DAGLB: variants seen among roughly 807,000 people sequenced by gnomAD.
DAGLB encodes diacylglycerol lipase beta.
DAGLB carries 66 observed loss-of-function variants against 72.1 expected under a neutral mutation model. The observed-to-expected ratio is 0.92, with a 90% CI of 0.75 to 1.12. The LOEUF is 1.12. DAGLB is among the 50% of genes most tolerant of loss of function. DAGLB has a pLI of 0.00. For synonymous variants in DAGLB, 414 were observed against 359.5 expected, an observed-to-expected ratio of 1.15 and a Z score of -1.71; for missense variants, 1,065 against 884.9, an observed-to-expected ratio of 1.20 and a Z score of -2.58.
Position 6,436,396 on chromosome 7 carries a change from C to A in DAGLB, c.385G>T (p.Val129Phe), listed in dbSNP as rs745703962. 1 of 1,613,390 alleles carries A rather than the reference C, an allele frequency of 6.2e-7. No homozygotes were observed. The highest frequency in any genetic ancestry group is 1.1e-5 in the South Asian group (1 of 90,944). ...ACGGTTGCGATGATGCCGTTTACAA[C>A]TGTCCTGTCGCACTGAACACCATCT... ...VADGVQCDRTVVNGIIATVVV... is the reference protein window; with the variant it reads ...VADGVQCDRTFVNGIIATVVV... Residue 129 changes from valine (V) to phenylalanine (F), a missense_variant, in exon 3 of 15, where the codon GTT becomes TTT. Val to Phe is a conservative substitution (Grantham distance 50). Coordinates refer to ENST00000297056, the MANE Select transcript of DAGLB (RefSeq NM_139179.4).
Position 6,430,524 on chromosome 7 carries a change from G to C in DAGLB, c.885C>G (p.Ile295Met). 6.2e-7 allele frequency: 1 copy of C among 1,601,002 alleles called. No individual in the cohort carries two copies. The highest frequency in any genetic ancestry group is 8.5e-7 in the Non-Finnish European group (1 of 1,171,346). Residue 295 changes from isoleucine to methionine, a missense_variant, in exon 6 of 15, where the codon ATC becomes ATG. By Grantham distance (10) the Ile-to-Met change is conservative (BLOSUM62 1). Coordinates refer to ENST00000297056, the MANE Select transcript of DAGLB (RefSeq NM_139179.4). ...ACAGCCCCGTGAGGGGGTTTCTGTAGATGTAGAGGGGCCACCCATAGGCCG... is the reference window on the plus strand; with the variant it reads ...ACAGCCCCGTGAGGGGGTTTCTGTACATGTAGAGGGGCCACCCATAGGCCG... ...AAAAYGWPLY[I>M]YRNPLTGLCR...
chr7:6,447,655 T>C, intron 1 of DAGLB, 93 bp downstream of exon 1: 1 of 1,489,000 alleles, frequency 6.7e-7, no homozygotes, highest in Non-Finnish European at 9.0e-7. Flanking sequence ...GCGACAGTGC[T>C]TGGGAAGCCA....
Position 6,412,839 on chromosome 7 carries a change from C to T in DAGLB, c.1541G>A (p.Arg514Gln), listed in dbSNP as rs149326625. 325 of 1,599,946 alleles carry T rather than the reference C, an allele frequency of 2.0e-4. 1 individual carries two copies. Among genetic ancestry groups the T allele is most frequent in the Non-Finnish European group, 2.5e-4 (293 of 1,171,772 alleles). The stretch of plus-strand genomic sequence containing the variant: ...GGGTTTATTGCAGTGCGCGACCACT[C>T]GCAAGATTCTTCTCTTCAGATCTTC... ...NLEDLKRRIL[R>Q]VVAHCNKPKY... The change falls in exon 13 of 15, where the codon CGA (arginine) becomes CAA (glutamine). Residue 514 changes from arginine (R) to glutamine (Q), a missense_variant. Transcript: ENST00000297056.
In DAGLB at chr7:6,435,008, G is replaced by A. The variant is rs751784939; in HGVS notation, c.432C>T (p.Ile144=). 4 of 1,613,420 alleles carry A rather than the reference G, an allele frequency of 2.5e-6. No homozygotes were observed. Among genetic ancestry groups the A allele is most frequent in the East Asian group, 2.2e-5 (1 of 44,876 alleles). ...IATVVVSWII[I]AATVVSIIIV... ...TGATAATGGAAACCACTGTGGCAGC[G>A]ATGATGATCCAACTGCAAGACAGAG... The change falls in exon 4 of 15, where the codon ATC becomes ATT. Residue 144 remains isoleucine (I), a synonymous_variant. Coordinates refer to ENST00000297056, the MANE Select transcript of DAGLB (RefSeq NM_139179.4).
intron 13 of DAGLB, among the ~76,000 whole-genome samples, chr7:6,411,634 C>T (rs1286066729): frequency 6.6e-6 from 1 of 152,068 alleles, no homozygotes; most frequent in Non-Finnish European, 1.5e-5. Context: ...AAAGAAAAAA[C>T]TGGGGGAGGT....
chr7:6,443,410 C>T (rs1583304044), intron 2 of DAGLB, among the ~76,000 whole-genome samples: 2 of 152,082 alleles, frequency 1.3e-5, no homozygotes, highest in East Asian at 1.9e-4. Flanking sequence ...GCTGAGATTA[C>T]GCCATTGCAG....
chr7:6,412,988 G>A lies in DAGLB; in HGVS notation c.1474C>T (p.Leu492=). The change falls in exon 12 of 15, where the codon CTG becomes TTG. Residue 492 remains leucine, a synonymous_variant. Coordinates refer to ENST00000297056, the MANE Select transcript of DAGLB (RefSeq NM_139179.4). The part of the protein sequence containing the change: ...YSQSFIVSLV[L]GKDVIPRLSV... ...TACCTGGGAATCACATCCTTCCCCA[G>A]GACGAGTGACACGATGAAGCTCTGA... 1.2e-6 allele frequency: 2 copies of A among 1,613,972 alleles called. No individual in the cohort carries two copies. The highest frequency in any genetic ancestry group is 1.7e-6 in the Non-Finnish European group (2 of 1,179,940).
chr7:6,446,186 G>A, intron 1 of DAGLB, 82 bp from the exon 2 acceptor site: 1 of 1,447,522 alleles, frequency 6.9e-7, no homozygotes, highest in Admixed American at 2.6e-5. Flanking sequence ...AAATAAAAGG[G>A]GACAGGGCGC....
chr7:6,425,227 G>A (rs1192502869), intron 7 of DAGLB, among the ~76,000 whole-genome samples: 2 of 152,202 alleles, frequency 1.3e-5, no homozygotes, highest in Non-Finnish European at 2.9e-5. Flanking sequence ...GAATCACCTG[G>A]AGAGACAGCG....
intron 3 of DAGLB, among the ~76,000 whole-genome samples, chr7:6,436,100 A>AAG (rs112547697): frequency 6.6e-6 from 1 of 152,190 alleles, no homozygotes; most frequent in East Asian, 1.9e-4. Context: ...AAAAAAAAAA[A>AAG]AGAGAGAGAG....
intron 2 of DAGLB, among the ~76,000 whole-genome samples, chr7:6,443,269 A>G (rs1316240676): frequency 2.0e-5 from 3 of 148,792 alleles, no homozygotes; most frequent in African/African-American, 7.4e-5. Context: ...AAAAAAAAAA[A>G]AAAAGAAACT....
Position 6,409,252 on chromosome 7 carries a change from G to C in DAGLB, c.*585C>G, listed in dbSNP as rs1199000669. 1 of 156,136 alleles carries C rather than the reference G, an allele frequency of 6.4e-6. No individual in the cohort carries two copies. Among genetic ancestry groups the C allele is most frequent in the African/African-American group, 2.4e-5 (1 of 41,468 alleles). 9.7% of individuals were successfully genotyped at this position (156,136 alleles called of 1,614,324 possible). A position where few individuals can be genotyped will look rare whatever the true frequency, so the allele number is the denominator to read the frequency against. On this transcript the variant is annotated 3_prime_UTR_variant, in exon 15 of 15. Transcript: ENST00000297056. ...ACAAACAACTGGGCAGTGGGAATAG[G>C]CAGTTGGGGGGCTGTGGCTCGGCGG...
chr7:6,417,079 C>G, intron 9 of DAGLB, 158 bp from the exon 10 acceptor site: 2 of 792,102 alleles, frequency 2.5e-6, no homozygotes, highest in South Asian at 3.4e-5. Context: ...TGGCTGTGCT[C>G]CTGGCACCTT....
intron 13 of DAGLB, among the ~76,000 whole-genome samples, chr7:6,412,087 G>T (rs556279699): frequency 2.0e-5 from 3 of 152,006 alleles, no homozygotes; most frequent in Non-Finnish European, 2.9e-5. Context: ...GCTCATTTTT[G>T]TATTTTTACT....
intron 4 of DAGLB, among the ~76,000 whole-genome samples, chr7:6,433,841 G>T (rs1784567981): frequency 7.8e-6 from 1 of 128,640 alleles, no homozygotes; most frequent in African/African-American, 3.2e-5. Context: ...GACAAAACGA[G>T]ACCTTGTCTC....
At chr7:6,424,421 T>A (rs1306474910) in intron 8 of DAGLB, among the ~76,000 whole-genome samples, 1 of 151,852 alleles carries the variant, frequency 6.6e-6, no homozygotes, top group Non-Finnish European at 1.5e-5. Context: ...GGTGCAGAAA[T>A]TCCCCGGGAG....
intron 6 of DAGLB, among the ~76,000 whole-genome samples, chr7:6,429,146 C>T (rs7778220): frequency 0.13 from 19,013 of 152,046 alleles, 1,331 homozygotes; most frequent in Admixed American, 0.18. Context: ...GCAGTCACCA[C>T]CTCAGCCAAG....
chr7:6,410,493 C>A, intron 13 of DAGLB, 113 bp from the exon 14 acceptor site: 2 of 1,457,510 alleles, frequency 1.4e-6, no homozygotes, highest in East Asian at 4.7e-5. Context: ...CCCAGAAACC[C>A]CGCTTGGAAG....
At chr7:6,415,811 C>G (rs1325517662) in intron 11 of DAGLB, among the ~76,000 whole-genome samples, 1 of 151,034 alleles carries the variant, frequency 6.6e-6, no homozygotes, top group African/African-American at 2.4e-5. Flanking sequence ...CGCCACTGCA[C>G]TCCAGCCTGG....
Sources: allele counts gnomAD v4.1 joint callset (sites outside exome capture counted in the v4.1 genomes callset), GRCh38; gene constraint gnomAD v4.1.1; transcripts MANE v1.5; gene names NCBI Gene and HGNC (gene_info 2026-07-23, HGNC 2026-07-21).